Variants in ATP6V0A4 observed in about 807,000 individuals in gnomAD.
ATP6V0A4 encodes V-type proton ATPase 116 kDa subunit a 4.
Under a neutral mutation model 107.3 loss-of-function variants are expected in ATP6V0A4, and 86 were observed. The ratio of observed to expected loss-of-function variants is 0.80; its 90% CI spans 0.67 to 0.96. The LOEUF (loss-of-function observed/expected upper bound fraction) is 0.96. Among genes scored for constraint, ATP6V0A4 ranks in the 40% least tolerant of loss-of-function variants. ATP6V0A4 has a pLI of 0.00. For missense variants in ATP6V0A4, 908 were observed against 1,045.6 expected (o/e 0.87, Z 1.81); for synonymous variants, 353 against 381.4 (o/e 0.93, Z 0.87).
intron 3 of ATP6V0A4, among the ~76,000 whole-genome samples, chr7:138,769,602 A>C (rs1584940353): frequency 6.6e-6 from 1 of 152,154 alleles, no homozygotes; most frequent in East Asian, 1.9e-4. Flanking sequence ...AGCGTGAGGC[A>C]CTGCGCTAAG....
In ATP6V0A4 at chr7:138,798,073, A is replaced by T; in HGVS notation, c.-160T>A. On this transcript the variant is annotated 5_prime_UTR_variant, in exon 1 of 22. An upstream open reading frame in the 5' UTR loses its in-frame stop. Coordinates refer to ENST00000310018, the MANE Select transcript of ATP6V0A4 (RefSeq NM_020632.3). ...CGGCACAACTCCGCAGGACCGGCTC[A>T]CCTGCACCGGGCACTCAGCACAGCC... 1 of 1,577,240 alleles carries T rather than the reference A, an allele frequency of 6.3e-7. No homozygotes were observed. Among genetic ancestry groups the T allele is most frequent in the South Asian group, 1.2e-5 (1 of 86,016 alleles).
intron 1 of ATP6V0A4, among the ~76,000 whole-genome samples, chr7:138,796,035 C>T (rs905003139): frequency 6.6e-6 from 1 of 152,148 alleles, no homozygotes; most frequent in Admixed American, 6.5e-5. Flanking sequence ...GGGGATTCCA[C>T]GTACCGCTGT....
intron 21 of ATP6V0A4, among the ~76,000 whole-genome samples, chr7:138,707,189 A>ATAT (rs1339413790): frequency 2.3e-3 from 130 of 56,518 alleles, no homozygotes; most frequent in South Asian, 5.5e-3. Flanking sequence ...ATAATATATT[A>ATAT]TATATATTAT....
rs527492342 is a variant in ATP6V0A4, at chr7:138,741,769, T to C, written c.1479-2136A>G. ...AGTCAATACGCCCAACTCCAGTGAC[T>C]ACAGGAATGTTTTCAGTGGTCTTTC... On this transcript the variant is annotated intron_variant, in intron 14 of 21. Transcript: ENST00000310018. 1.6e-4 allele frequency among the ~76,000 whole-genome samples: 24 copies of C among 152,306 alleles called. No homozygotes were observed. In the South Asian group the frequency reaches 5.0e-3, roughly 32 times the overall value.
intron 2 of ATP6V0A4, among the ~76,000 whole-genome samples, chr7:138,785,476 C>T (rs1808137876): frequency 6.6e-6 from 1 of 151,908 alleles, no homozygotes; most frequent in South Asian, 2.1e-4. Context: ...AGGGTTTCAC[C>T]ATGTTGGCCA....
chr7:138,737,397 A>G (rs1225245312), intron 15 of ATP6V0A4, among the ~76,000 whole-genome samples: 1 of 150,894 alleles, frequency 6.6e-6, no homozygotes, highest in East Asian at 2.0e-4. Context: ...TTCACTTTCC[A>G]CCATCATTGT....
intron 17 of ATP6V0A4, among the ~76,000 whole-genome samples, chr7:138,731,710 T>C (rs976916236): frequency 2.0e-5 from 3 of 152,086 alleles, no homozygotes; most frequent in Non-Finnish European, 2.9e-5. Context: ...CTGACCAACA[T>C]GGTGAAACCC....
chr7:138,777,633 TACACACACACAC>T (rs1176566807), intron 2 of ATP6V0A4, among the ~76,000 whole-genome samples: 2 of 106,378 alleles, frequency 1.9e-5, no homozygotes, highest in South Asian at 3.1e-4. Flanking sequence ...AAAAAAAAAA[TACACACACACAC>T]ACACACACAC....
intron 18 of ATP6V0A4, among the ~76,000 whole-genome samples, chr7:138,726,780 C>A (rs184472827): frequency 6.6e-6 from 1 of 152,118 alleles, no homozygotes; most frequent in African/African-American, 2.4e-5. Flanking sequence ...CAGGCCTCCA[C>A]GCCGTCTTCA....
chr7:138,715,734 GA>G, intron 20 of ATP6V0A4, 29 bp downstream of exon 20: 1 of 1,607,236 alleles, frequency 6.2e-7, no homozygotes, highest in Non-Finnish European at 8.5e-7. Flanking sequence ...GGGGAGAGCT[GA>G]CTGTCCCCCC....
Position 138,752,365 on chromosome 7 carries a change from AT to A in ATP6V0A4, c.1029+259del, listed in dbSNP as rs11399212. Reference sequence around the variant, plus strand: ...AGCCTGGGCTACAGAGCGAGATTCTATTTTTTTTTTTTTTTTAAAAAAACCT... The same window carrying A: ...AGCCTGGGCTACAGAGCGAGATTCTATTTTTTTTTTTTTTTAAAAAAACCT... On this transcript the variant is annotated intron_variant, in intron 11 of 21. Transcript: ENST00000310018. Among the ~76,000 whole-genome samples the A allele has an allele frequency of 0.031, 4,582 of 146,658 alleles. 90 individuals carry two copies. The highest frequency in any genetic ancestry group is 0.035 in the South Asian group (160 of 4,552).
Position 138,755,008 on chromosome 7 carries a change from C to T in ATP6V0A4, c.816+681G>A, listed in dbSNP as rs571177323. ...TAGCCATGTTTCAAGGGCTCAATAG[C>T]CACATGTGGCTCGTGACTACAGTGT... On this transcript the variant is annotated intron_variant, in intron 10 of 21. Transcript: ENST00000310018. 2.0e-5 allele frequency among the ~76,000 whole-genome samples: 3 copies of T among 152,322 alleles called. No individual in the cohort carries two copies. The South Asian group carries it at 6.2e-4, about 32-fold the overall frequency.
intron 2 of ATP6V0A4, among the ~76,000 whole-genome samples, chr7:138,778,553 C>T (rs1017235969): frequency 2.0e-5 from 3 of 152,014 alleles, no homozygotes; most frequent in Admixed American, 6.6e-5. Flanking sequence ...GGACTCAGTG[C>T]GGCAGAAGCC....
Position 138,780,375 on chromosome 7 carries a change from G to A in ATP6V0A4, c.-18+5783C>T, listed in dbSNP as rs558507025. On this transcript the variant is annotated intron_variant, in intron 2 of 21. Coordinates refer to ENST00000310018, the MANE Select transcript of ATP6V0A4 (RefSeq NM_020632.3). ...GAGGATCTAATGGTGCTGCTGACAC[G>A]ACAGGAGGTGGAGGCTCAGGTGGAA... Among the ~76,000 whole-genome samples, 47 of 152,134 alleles carry A rather than the reference G, an allele frequency of 3.1e-4. 1 individual carries two copies. Among genetic ancestry groups the A allele is most frequent in the Non-Finnish European group, 5.4e-4 (37 of 68,028 alleles).
In ATP6V0A4 at chr7:138,715,746, G is replaced by C; in HGVS notation, c.2257+18C>G. Reference sequence around the variant, plus strand: ...GTTGGGGAGAGCTGACTGTCCCCCCGATGGGCTGCTCACTCACGTGCATGA... The same window carrying C: ...GTTGGGGAGAGCTGACTGTCCCCCCCATGGGCTGCTCACTCACGTGCATGA... On this transcript the variant is annotated intron_variant, in intron 20 of 21. Transcript: ENST00000310018. 1 of 1,612,566 alleles carries C rather than the reference G, an allele frequency of 6.2e-7. No homozygotes were observed. The highest frequency in any genetic ancestry group is 8.5e-7 in the Non-Finnish European group (1 of 1,179,022).
intron 14 of ATP6V0A4, 174 bp from the exon 15 acceptor site, chr7:138,739,807 A>T: frequency 5.7e-6 from 4 of 706,444 alleles, no homozygotes; most frequent in Non-Finnish European, 7.0e-6. Context: ...CTGAGGCTAC[A>T]ATCTGAGTTT....
At chr7:138,728,611 G>C in intron 18 of ATP6V0A4, 150 bp downstream of exon 18, 1 of 1,087,270 alleles carries the variant, frequency 9.2e-7, no homozygotes, top group Non-Finnish European at 1.4e-6. Context: ...TAGCTCCACA[G>C]AACGAAACAT....
chr7:138,742,243 A>G (rs1033866474), intron 14 of ATP6V0A4, among the ~76,000 whole-genome samples: 5 of 152,152 alleles, frequency 3.3e-5, no homozygotes, highest in Admixed American at 6.5e-5. Flanking sequence ...CCTGGCCAAC[A>G]TGGTGAAACC....
At chr7:138,763,961 T>C (rs947814997) in intron 5 of ATP6V0A4, among the ~76,000 whole-genome samples, 11 of 140,654 alleles carry the variant, frequency 7.8e-5, no homozygotes, top group Admixed American at 7.7e-4. Flanking sequence ...TTTCAGACTC[T>C]GTCTCAAAAA....
Sources: gnomAD v4.1 joint callset for allele counts (sites outside exome capture counted in the v4.1 genomes callset) on GRCh38, gnomAD v4.1.1 for gene constraint, MANE v1.5 for transcripts, NCBI Gene and HGNC (gene_info 2026-07-23, HGNC 2026-07-21) for gene names.